Variants in SMOC2 observed in about 807,000 individuals in gnomAD.
SMOC2 encodes the protein SPARC related modular calcium binding 2.
A neutral mutation model predicts 61.4 loss-of-function variants in SMOC2; 39 were observed. The observed-to-expected ratio is 0.64, with a 90% confidence interval of 0.49 to 0.83. The LOEUF (loss-of-function observed/expected upper bound fraction) is 0.83, where lower values mean the gene tolerates loss of function less well. SMOC2 is among the 40% of genes least tolerant of loss of function. The probability of loss-of-function intolerance (pLI) is 0.00; values close to 1 mark genes in which losing one functional copy is unlikely to be tolerated. For missense variants in SMOC2, 556 were observed against 592.9 expected, an observed-to-expected ratio of 0.94 and a Z score of 0.65; for synonymous variants, 247 against 239.9, an observed-to-expected ratio of 1.03 and a Z score of -0.27.
chr6:168,592,602 G>A (rs1382018111), intron 7 of SMOC2, among the ~76,000 whole-genome samples: 47 of 138,432 alleles, frequency 3.4e-4, no homozygotes, highest in Non-Finnish European at 5.3e-4. Flanking sequence ...GAGGATCGCG[G>A]AGCTCCTCCT....
chr6:168,555,218 C>T (rs1484078101), intron 7 of SMOC2, among the ~76,000 whole-genome samples: 1 of 152,222 alleles, frequency 6.6e-6, no homozygotes, highest in Non-Finnish European at 1.5e-5. Context: ...CGGGATGAGA[C>T]TAAGTGCTTA....
At chr6:168,524,693 A>G (rs1446120648) in intron 2 of SMOC2, among the ~76,000 whole-genome samples, 1 of 152,286 alleles carries the variant, frequency 6.6e-6, no homozygotes, top group East Asian at 1.9e-4. Flanking sequence ...ATTTCTCCTC[A>G]GCTAAAACAC....
At chr6:168,536,149 G>A (rs537339316) in intron 4 of SMOC2, among the ~76,000 whole-genome samples, 3 of 152,296 alleles carry the variant, frequency 2.0e-5, no homozygotes, top group African/African-American at 7.2e-5. Context: ...GCTCGTGGCT[G>A]GCCCCACACT....
At chr6:168,445,124 C>T (rs910487498) in intron 1 of SMOC2, among the ~76,000 whole-genome samples, 2 of 152,200 alleles carry the variant, frequency 1.3e-5, no homozygotes, top group African/African-American at 4.8e-5. Context: ...CTCTGAAGGG[C>T]ACCTGGTCAC....
chr6:168,609,234 A>G (rs1242786901), intron 9 of SMOC2, among the ~76,000 whole-genome samples: 2 of 152,234 alleles, frequency 1.3e-5, no homozygotes, highest in African/African-American at 4.8e-5. Flanking sequence ...AACACCGTGC[A>G]GCTCACTGGG....
intron 8 of SMOC2, among the ~76,000 whole-genome samples, chr6:168,600,282 C>T (rs1785508376): frequency 6.6e-6 from 1 of 151,916 alleles, no homozygotes; most frequent in South Asian, 2.1e-4. Flanking sequence ...TGGTGGATGC[C>T]TGTAATCCCA....
Position 168,488,295 on chromosome 6 carries a change from T to C in SMOC2, c.85-21620T>C, listed in dbSNP as rs377342879. Among the ~76,000 whole-genome samples, 3 of 152,230 alleles carry C rather than the reference T, an allele frequency of 2.0e-5. No homozygotes were observed. In the East Asian group the frequency reaches 5.8e-4, roughly 29 times the overall value. On this transcript the variant is annotated intron_variant, in intron 1 of 12. Transcript: ENST00000356284. ...GCCGCTTCCCCCCATGTCTTCACATTGTCTTCCCTCTCTTCCATCTATGCC... is the reference window on the plus strand; with the variant it reads ...GCCGCTTCCCCCCATGTCTTCACATCGTCTTCCCTCTCTTCCATCTATGCC...
In SMOC2 at chr6:168,509,951, A is replaced by C; in HGVS notation, c.121A>C (p.Ser41Arg). 6.2e-7 allele frequency: 1 copy of C among 1,613,976 alleles called. No homozygotes were observed. Among genetic ancestry groups the C allele is most frequent in the Non-Finnish European group, 8.5e-7 (1 of 1,179,852 alleles). Residue 41 changes from serine (S) to arginine (R), a missense_variant, in exon 2 of 13, where the codon AGC becomes CGC. Transcript: ENST00000356284. Reference sequence around the variant, plus strand: ...GGATCAAGATAAAGACAAGGATTGTAGCTTGGACTGTGCGGGTTCGCCCCA... The same window carrying C: ...GGATCAAGATAAAGACAAGGATTGTCGCTTGGACTGTGCGGGTTCGCCCCA... ...RVDQDKDKDC[S>R]LDCAGSPQKP...
chr6:168,666,901 G>A lies in SMOC2; in HGVS notation c.*463G>A, dbSNP rs771173962. ...CCCTACAGGCAGTTAACATGCATGG[G>A]CTGGTTTGTTTCTTGGGATTTTCTG... is the stretch of plus-strand genomic sequence containing the variant. On this transcript the variant is annotated 3_prime_UTR_variant, in exon 13 of 13. Coordinates refer to ENST00000356284, the MANE Select transcript of SMOC2 (RefSeq NM_001166412.2). 6.5e-4 allele frequency: 101 copies of A among 155,742 alleles called. No homozygotes were observed. Among genetic ancestry groups the A allele is most frequent in the Non-Finnish European group, 1.2e-3 (85 of 70,504 alleles). 9.6% of individuals were successfully genotyped at this position (155,742 alleles called of 1,614,324 possible).
At chr6:168,580,332 A>C (rs1583129081) in intron 7 of SMOC2, among the ~76,000 whole-genome samples, 2 of 152,090 alleles carry the variant, frequency 1.3e-5, no homozygotes, top group East Asian at 3.9e-4. Flanking sequence ...ATAGTATCTA[A>C]TTTTCCTTTT....
At chr6:168,451,626 T>TCTCC (rs1251916449) in intron 1 of SMOC2, among the ~76,000 whole-genome samples, 20 of 150,150 alleles carry the variant, frequency 1.3e-4, no homozygotes, top group Middle Eastern at 3.3e-3. Flanking sequence ...TCTCTCTCTC[T>TCTCC]CTCCCTCCCT....
At chr6:168,444,115 A>G (rs1018962098) in intron 1 of SMOC2, among the ~76,000 whole-genome samples, 24 of 152,200 alleles carry the variant, frequency 1.6e-4, no homozygotes, top group African/African-American at 5.8e-4. Context: ...ACTTTGCAGT[A>G]TTTTCACCTG....
At chr6:168,445,898 A>C (rs1273019942) in intron 1 of SMOC2, among the ~76,000 whole-genome samples, 2 of 152,238 alleles carry the variant, frequency 1.3e-5, no homozygotes, top group East Asian at 3.8e-4. Flanking sequence ...GCCAATGGGC[A>C]TGGATGTAAC....
At chr6:168,542,355 A>G (rs1460254565) in intron 4 of SMOC2, among the ~76,000 whole-genome samples, 1 of 152,232 alleles carries the variant, frequency 6.6e-6, no homozygotes, top group Non-Finnish European at 1.5e-5. Flanking sequence ...CCAAATGGTA[A>G]CAGTAACAGC....
intron 9 of SMOC2, among the ~76,000 whole-genome samples, chr6:168,629,881 T>A (rs916400651): frequency 2.0e-5 from 3 of 152,194 alleles, no homozygotes; most frequent in African/African-American, 7.2e-5. Flanking sequence ...ACTTGGTAAA[T>A]CCTTTTGCCA....
At chr6:168,470,284 C>T (rs781430372) in intron 1 of SMOC2, among the ~76,000 whole-genome samples, 15 of 152,202 alleles carry the variant, frequency 9.9e-5, no homozygotes, top group Non-Finnish European at 1.3e-4. Context: ...CGTTATAAAG[C>T]GTCTTCACAT....
chr6:168,659,689 G>C (rs367989593), intron 11 of SMOC2, among the ~76,000 whole-genome samples: 20 of 37,176 alleles, frequency 5.4e-4, no homozygotes, highest in African/African-American at 2.1e-3. Context: ...GAGGTTGTAG[G>C]TAGGGTGAGG....
chr6:168,506,386 T>A (rs1212533476), intron 1 of SMOC2, among the ~76,000 whole-genome samples: 1 of 152,232 alleles, frequency 6.6e-6, no homozygotes, highest in Non-Finnish European at 1.5e-5. Flanking sequence ...CAACATTTCC[T>A]TAATGTCTTC....
chr6:168,498,702 C>T (rs1281248096), intron 1 of SMOC2, among the ~76,000 whole-genome samples: 1 of 151,448 alleles, frequency 6.6e-6, no homozygotes, highest in Admixed American at 6.6e-5. Context: ...TGGGTCCTCC[C>T]AGCCCTACGA....
Sources: allele counts gnomAD v4.1 joint callset (sites outside exome capture counted in the v4.1 genomes callset), GRCh38; gene constraint gnomAD v4.1.1; transcripts MANE v1.5; gene names NCBI Gene and HGNC (gene_info 2026-07-23, HGNC 2026-07-21).